The following MICAL2 variants were observed in gnomAD, a reference collection of about 807,000 sequenced individuals.
MICAL2 encodes microtubule associated monooxygenase, calponin and LIM domain containing 2.
In MICAL2, 77 loss-of-function variants were observed where a neutral mutation model predicts 127.3. The observed-to-expected ratio is 0.60, with a 90% CI of 0.50 to 0.73. The LOEUF (loss-of-function observed/expected upper bound fraction) is 0.73, where lower values mean the gene tolerates loss of function less well. Among genes scored for constraint, MICAL2 ranks in the 30% least tolerant of loss-of-function variants. The pLI, the probability that MICAL2 is intolerant of heterozygous loss-of-function variation, is 0.00. For missense variants in MICAL2, 1,351 were observed against 1,434.4 expected, an observed-to-expected ratio of 0.94 and a Z score of 0.94; for synonymous variants, 570 against 551.1, an observed-to-expected ratio of 1.03 and a Z score of -0.48.
chr11:12,220,078 T>C (rs1856640166), intron 8 of MICAL2, 123 bp from the exon 9 acceptor site: 1 of 1,146,166 alleles, frequency 8.7e-7, no homozygotes, highest in Non-Finnish European at 1.2e-6. Flanking sequence ...TCCTGGTTTT[T>C]ATATGTCTTT....
At chr11:12,153,199 C>A (rs1203011039) in intron 2 of MICAL2, 2 of 151,960 alleles carry the variant, frequency 1.3e-5, no homozygotes, top group African/African-American at 4.8e-5. Flanking sequence ...CCACACCCGG[C>A]TAATTTTTCT....
intron 31 of MICAL2, chr11:12,324,194 G>T (rs1004669021): frequency 7.8e-6 from 9 of 1,159,466 alleles, no homozygotes; most frequent in African/African-American, 1.6e-5. Context: ...GGTCAGTCTT[G>T]TTCTCTGAGG....
At position 12,208,134 on chromosome 11, in the gene MICAL2, A is replaced by G; in HGVS notation, c.584A>G (p.Asn195Ser). The G allele has an allele frequency of 1.2e-6, 2 of 1,609,550 alleles. No individual in the cohort carries two copies. The highest frequency in any genetic ancestry group is 1.7e-6 in the Non-Finnish European group (2 of 1,175,864). Residue 195 changes from asparagine (N) to serine (S), a missense_variant, in exon 5 of 28, where the codon AAT (asparagine) becomes AGT (serine). By Grantham distance (46) the Asn-to-Ser change is conservative. This residue lies in a region of MICAL2 where 599 missense variants were observed against 714.9 expected (regional missense o/e 0.84). Transcript: ENST00000683283. ...CTAGAGCCTCCTGAAGATCAAGAAA[A>G]TCAAAGTACAGTATAATTTTCTTTT... ...KVLEPPEDQENQKIGWRAEFL... is the reference protein window; with the variant it reads ...KVLEPPEDQESQKIGWRAEFL...
At chr11:12,329,343 A>G (rs1864388508) in intron 32 of MICAL2, among the ~76,000 whole-genome samples, 3 of 152,318 alleles carry the variant, frequency 2.0e-5, no homozygotes, top group African/African-American at 7.2e-5. Flanking sequence ...TCATATTCCC[A>G]GTCCAGAAGG....
intron 1 of MICAL2, among the ~76,000 whole-genome samples, chr11:12,119,154 C>G (rs924537061): frequency 6.6e-6 from 1 of 152,126 alleles, no homozygotes; most frequent in Non-Finnish European, 1.5e-5. Context: ...CTCTGGGTTC[C>G]CCCCTCCTCC....
intron 1 of MICAL2, among the ~76,000 whole-genome samples, chr11:12,114,489 G>T (rs542028891): frequency 1.2e-4 from 18 of 152,214 alleles, no homozygotes; most frequent in African/African-American, 4.3e-4. Flanking sequence ...TTAGAGAAGC[G>T]CCCCCTCTTT....
rs145351127 is a variant in MICAL2 at position 12,312,834 on chromosome 11, T to C, written c.5213-6862T>C. Among the ~76,000 whole-genome samples, 224 of 152,238 alleles carry C rather than the reference T, an allele frequency of 1.5e-3. 2 individuals are homozygous for C. Among genetic ancestry groups the C allele is most frequent in the African/African-American group, 5.0e-3 (208 of 41,542 alleles). On this transcript the variant is annotated intron_variant, in intron 29 of 34. Coordinates refer to the MICAL2 transcript ENST00000646065. ...CTCTCTGTACAGCATTCCTTTATTT[T>C]GGGTATGGGGCAGGATCGTCTCTGG...
chr11:12,320,300 C>T (rs1007008326), intron 30 of MICAL2, among the ~76,000 whole-genome samples: 3 of 152,156 alleles, frequency 2.0e-5, no homozygotes, highest in East Asian at 3.8e-4. Context: ...GGACAAGCCC[C>T]GTGCCAGCTG....
At chr11:12,319,740 T>C (rs1864271212) in exon 30 of MICAL2, 1 of 1,614,002 alleles carries the variant, frequency 6.2e-7, no homozygotes, top group South Asian at 1.1e-5. Flanking sequence ...AGAGGCTTCC[T>C]CTTCTGCCTC....
intron 3 of MICAL2, among the ~76,000 whole-genome samples, chr11:12,167,619 A>T (rs1855671841): frequency 6.6e-6 from 1 of 152,186 alleles, no homozygotes; most frequent in Admixed American, 6.5e-5. Flanking sequence ...GGGCAGTTCC[A>T]GTCATAACCG....
At chr11:12,186,759 C>G (rs1306931436) in intron 3 of MICAL2, among the ~76,000 whole-genome samples, 3 of 152,142 alleles carry the variant, frequency 2.0e-5, no homozygotes, top group Non-Finnish European at 4.4e-5. Context: ...ACATATTGGG[C>G]CATTCAAGGG....
intron 1 of MICAL2, among the ~76,000 whole-genome samples, chr11:12,137,441 G>A (rs866148690): frequency 9.9e-4 from 151 of 152,328 alleles, no homozygotes; most frequent in African/African-American, 3.2e-3. Context: ...TGCTGTCTGT[G>A]AGGAGCCACT....
intron 2 of MICAL2, among the ~76,000 whole-genome samples, chr11:12,147,334 C>A (rs2133686224): frequency 6.6e-6 from 1 of 152,258 alleles, no homozygotes; most frequent in East Asian, 1.9e-4. Context: ...TTCATTCATT[C>A]AACAAACATA....
intron 31 of MICAL2, among the ~76,000 whole-genome samples, chr11:12,326,490 T>C (rs138179266): frequency 1.5e-3 from 234 of 152,334 alleles, no homozygotes; most frequent in African/African-American, 5.4e-3. Context: ...ATAATGAACC[T>C]AAGGAGAGTA....
intron 1 of MICAL2, among the ~76,000 whole-genome samples, chr11:12,121,898 T>C (rs569471608): frequency 4.7e-4 from 71 of 152,280 alleles, no homozygotes; most frequent in African/African-American, 1.6e-3. Flanking sequence ...ATGAGTTTAG[T>C]GCTATTGATG....
chr11:12,291,330 G>A (rs934659396), downstream of MICAL2, among the ~76,000 whole-genome samples: 2 of 152,166 alleles, frequency 1.3e-5, no homozygotes, highest in Non-Finnish European at 2.9e-5. Context: ...AGGGGAGAGC[G>A]GGAGAAGGAG....
rs537084814 is a variant in MICAL2, at chr11:12,254,171, A to C, written c.2848-1472A>C. The stretch of plus-strand genomic sequence containing the variant: ...CTCTGCCTCAGGAACCAGGGGGCAG[A>C]GTCCAAATATGTATTTCCGACCATA... On this transcript the variant is annotated intron_variant, in intron 22 of 27. Coordinates refer to ENST00000683283, the MANE Select transcript of MICAL2 (RefSeq NM_001282663.2). 3 of 152,352 alleles carry C rather than the reference A, an allele frequency of 2.0e-5. No individual in the cohort carries two copies. The South Asian group carries it at 6.2e-4, about 32-fold the overall frequency. 9.4% of individuals were successfully genotyped at this position (152,352 alleles called of 1,614,324 possible).
intron 32 of MICAL2, among the ~76,000 whole-genome samples, chr11:12,336,519 C>T (rs533370865): frequency 2.0e-4 from 30 of 152,294 alleles, no homozygotes; most frequent in African/African-American, 6.7e-4. Flanking sequence ...GAGGGCCTCC[C>T]TGTCTTGTGC....
intron 1 of MICAL2, among the ~76,000 whole-genome samples, chr11:12,278,173 A>T (rs1863740028): frequency 6.6e-6 from 1 of 152,150 alleles, no homozygotes; most frequent in Non-Finnish European, 1.5e-5. Context: ...AGGCTACCCT[A>T]CATTTATTTG....
Sources: gnomAD v4.1 joint callset for allele counts (sites outside exome capture counted in the v4.1 genomes callset) on GRCh38, gnomAD v4.1.1 for gene constraint, gnomAD v4.1.1 regional missense constraint, MANE v1.5 for transcripts, NCBI Gene and HGNC (gene_info 2026-07-23, HGNC 2026-07-21) for gene names.